MYRFL: variants seen among roughly 807,000 people sequenced by gnomAD.
MYRFL encodes myelin regulatory factor-like protein.
In MYRFL, 88 loss-of-function variants were observed where a neutral mutation model predicts 109.4. The ratio of observed to expected loss-of-function variants is 0.80; its 90% CI spans 0.68 to 0.96. The LOEUF (loss-of-function observed/expected upper bound fraction) is 0.96, where lower values mean the gene tolerates loss of function less well. Among genes scored for constraint, MYRFL ranks in the 40% least tolerant of loss-of-function variants. MYRFL has a pLI of 0.00. For synonymous variants in MYRFL, 324 were observed against 320.9 expected (o/e 1.01, Z -0.10); for missense variants, 957 against 954.9 (o/e 1.00, Z -0.03).
At chr12:69,950,917 TAATC>T (rs1377133299) in intron 19 of MYRFL, among the ~76,000 whole-genome samples, 2 of 152,230 alleles carry the variant, frequency 1.3e-5, no homozygotes, top group African/African-American at 4.8e-5. Flanking sequence ...AGCTTGTCAT[TAATC>T]AAAGAAAGAC....
At chr12:69,913,198 A>G (rs956703527) in intron 13 of MYRFL, among the ~76,000 whole-genome samples, 1 of 152,150 alleles carries the variant, frequency 6.6e-6, no homozygotes, top group Non-Finnish European at 1.5e-5. Flanking sequence ...TATATTCTGG[A>G]TATTAATCCC....
intron 13 of MYRFL, among the ~76,000 whole-genome samples, chr12:69,920,850 C>T (rs1954888688): frequency 2.0e-5 from 3 of 152,310 alleles, no homozygotes; most frequent in East Asian, 1.9e-4. Context: ...ATACACTTGC[C>T]GGACTGCCTC....
intron 13 of MYRFL, among the ~76,000 whole-genome samples, chr12:69,923,682 A>AT (rs1269104445): frequency 1.1e-4 from 16 of 149,570 alleles, no homozygotes; most frequent in South Asian, 4.2e-4. Context: ...TTGCTGGTTG[A>AT]TTTTTTTTTT....
intron 2 of MYRFL, among the ~76,000 whole-genome samples, chr12:69,866,447 G>A (rs1885020923): frequency 6.6e-6 from 1 of 152,106 alleles, no homozygotes; most frequent in South Asian, 2.1e-4. Context: ...CAAGTTTTAA[G>A]TATTTCTAAA....
At chr12:69,957,295 C>G (rs962839003) in intron 22 of MYRFL, among the ~76,000 whole-genome samples, 9 of 152,076 alleles carry the variant, frequency 5.9e-5, no homozygotes, top group African/African-American at 2.2e-4. Flanking sequence ...CCGGAATTTG[C>G]AAAATCAAAA....
intron 2 of MYRFL, among the ~76,000 whole-genome samples, chr12:69,868,750 C>G (rs529022861): frequency 6.6e-6 from 1 of 152,356 alleles, no homozygotes; most frequent in Non-Finnish European, 1.5e-5. Context: ...ATGGTGGTTA[C>G]AAGCCCTAAC....
At chr12:69,917,679 G>A (rs1954785084) in intron 13 of MYRFL, among the ~76,000 whole-genome samples, 2 of 151,976 alleles carry the variant, frequency 1.3e-5, no homozygotes, top group Admixed American at 6.6e-5. Flanking sequence ...AGACTCCTGA[G>A]GTCAGAGAAT....
At chr12:69,913,087 A>T (rs1195043526) in intron 13 of MYRFL, among the ~76,000 whole-genome samples, 1 of 151,850 alleles carries the variant, frequency 6.6e-6, no homozygotes, top group Non-Finnish European at 1.5e-5. Context: ...TCATGTGTTT[A>T]TTGTTCATGT....
At chr12:69,831,406 C>G (rs1355327387) in intron 1 of MYRFL, among the ~76,000 whole-genome samples, 1 of 152,144 alleles carries the variant, frequency 6.6e-6, no homozygotes, top group African/African-American at 2.4e-5. Context: ...TGATCTACAA[C>G]CTAACTAATA....
intron 19 of MYRFL, among the ~76,000 whole-genome samples, chr12:69,938,285 G>T (rs1466270395): frequency 6.6e-6 from 1 of 152,192 alleles, no homozygotes; most frequent in Non-Finnish European, 1.5e-5. Context: ...GCCCATGCTG[G>T]AGACACTTGA....
intron 11 of MYRFL, among the ~76,000 whole-genome samples, chr12:69,906,770 C>T (rs1954377539): frequency 6.6e-6 from 1 of 152,200 alleles, no homozygotes; most frequent in African/African-American, 2.4e-5. Context: ...GCTCCTAGTC[C>T]AGACTGTGGC....
intron 10 of MYRFL, among the ~76,000 whole-genome samples, chr12:69,898,663 T>A (rs1211215547): frequency 6.6e-6 from 1 of 152,238 alleles, no homozygotes; most frequent in African/African-American, 2.4e-5. Flanking sequence ...ATAATGCCAT[T>A]CTTTTCAGAG....
At chr12:69,883,706 TAAAA>T (rs59904690) in intron 5 of MYRFL, among the ~76,000 whole-genome samples, 1 of 125,466 alleles carries the variant, frequency 8.0e-6, no homozygotes. Context: ...CTACAAAAAG[TAAAA>T]AAAAAAAAAA....
At position 69,958,345 on chromosome 12, in the gene MYRFL, C is replaced by T. The variant is rs1225271996; in HGVS notation, c.2646+22C>T. On this transcript the variant is annotated intron_variant, in intron 24 of 24. Transcript: ENST00000552032. Reference sequence around the variant, plus strand: ...ACCGGTAAGCTTGCTTTTTCTTTTTCTTTTCAGTGAGAAAGAAATTGAGCA... The same window carrying T: ...ACCGGTAAGCTTGCTTTTTCTTTTTTTTTTCAGTGAGAAAGAAATTGAGCA... The T allele has an allele frequency of 2.6e-6, 4 of 1,531,292 alleles. No homozygotes were observed. In the South Asian group the frequency reaches 3.6e-5, roughly 14 times the overall value. 94.9% of individuals were successfully genotyped at this position (1,531,292 alleles called of 1,614,324 possible).
chr12:69,872,128 A>G (rs1172447407), intron 2 of MYRFL, among the ~76,000 whole-genome samples: 3 of 152,194 alleles, frequency 2.0e-5, no homozygotes, highest in African/African-American at 7.2e-5. Flanking sequence ...CTCTTTTATT[A>G]TTAGAAATGA....
At chr12:69,835,005 G>A (rs916058935) in intron 1 of MYRFL, among the ~76,000 whole-genome samples, 5 of 152,264 alleles carry the variant, frequency 3.3e-5, no homozygotes, top group Non-Finnish European at 7.4e-5. Context: ...TTCTTAGATC[G>A]TCTGAAGGAT....
intron 13 of MYRFL, among the ~76,000 whole-genome samples, chr12:69,921,858 C>T (rs1411348026): frequency 1.3e-5 from 2 of 152,272 alleles, no homozygotes; most frequent in African/African-American, 4.8e-5. Context: ...TCCTATGAGG[C>T]AGTATTGAAA....
intron 5 of MYRFL, among the ~76,000 whole-genome samples, chr12:69,885,436 G>C (rs557064503): frequency 6.6e-6 from 1 of 152,074 alleles, no homozygotes; most frequent in African/African-American, 2.4e-5. Flanking sequence ...AAACAACCCA[G>C]CTCCTTTCTC....
intron 2 of MYRFL, among the ~76,000 whole-genome samples, chr12:69,871,430 C>T (rs1273870784): frequency 6.6e-6 from 1 of 152,004 alleles, no homozygotes; most frequent in Non-Finnish European, 1.5e-5. Context: ...GACAGGATTT[C>T]ACCGTGTTAG....
Sources: gnomAD v4.1 joint callset for allele counts (sites outside exome capture counted in the v4.1 genomes callset) on GRCh38, gnomAD v4.1.1 for gene constraint, MANE v1.5 for transcripts, NCBI Gene and HGNC (gene_info 2026-07-23, HGNC 2026-07-21) for gene names.